Variants in ATP8B4 observed in about 807,000 individuals in gnomAD.
The protein encoded by ATP8B4 is probable phospholipid-transporting ATPase IM.
ATP8B4 carries 133 observed loss-of-function variants against 145.6 expected under a neutral mutation model. The ratio of observed to expected loss-of-function variants is 0.91; its 90% CI spans 0.79 to 1.05. The LOEUF (loss-of-function observed/expected upper bound fraction) is 1.05. Ranked by LOEUF, ATP8B4 falls within the 50% of genes least tolerant of loss-of-function variation. The pLI is 0.00. For synonymous variants in ATP8B4, 507 were observed against 492.9 expected (o/e 1.03, Z -0.38); for missense variants, 1,458 against 1,425.2 (o/e 1.02, Z -0.37).
chr15:50,062,344 A>G lies in ATP8B4; in HGVS notation c.87+11783T>C, dbSNP rs998161270. Among the ~76,000 whole-genome samples, 7 of 152,074 alleles carry G rather than the reference A, an allele frequency of 4.6e-5. No individual in the cohort carries two copies. The South Asian group carries it at 6.2e-4, about 13-fold the overall frequency. On this transcript the variant is annotated intron_variant, in intron 3 of 27. Transcript: ENST00000284509. ...TCACTCTCTTGCTCCTGCTTTCACCATGTGATGTGCCTGGTCCCCCTTCAC... is the reference window on the plus strand; with the variant it reads ...TCACTCTCTTGCTCCTGCTTTCACCGTGTGATGTGCCTGGTCCCCCTTCAC...
At chr15:49,915,150 TACCATTTTAAGCA>T (rs2039610158) in intron 20 of ATP8B4, among the ~76,000 whole-genome samples, 1 of 152,134 alleles carries the variant, frequency 6.6e-6, no homozygotes. Flanking sequence ...AATGAAATCC[TACCATTTTAAGCA>T]ACATGAATGG....
At chr15:49,958,333 A>AAAAT (rs1427998034) in intron 14 of ATP8B4, among the ~76,000 whole-genome samples, 2 of 151,680 alleles carry the variant, frequency 1.3e-5, no homozygotes, top group Non-Finnish European at 1.5e-5. Flanking sequence ...GGAAAGAATA[A>AAAAT]AAATAAATAA....
intron 14 of ATP8B4, among the ~76,000 whole-genome samples, chr15:49,954,074 C>CT (rs34828291): frequency 1.3e-5 from 2 of 151,936 alleles, no homozygotes; most frequent in African/African-American, 2.4e-5. Flanking sequence ...CTTATTATGG[C>CT]TTTTTTTATG....
chr15:50,080,002 C>G (rs2054439217), intron 2 of ATP8B4, among the ~76,000 whole-genome samples: 1 of 152,160 alleles, frequency 6.6e-6, no homozygotes, highest in Non-Finnish European at 1.5e-5. Flanking sequence ...GGAAGCCATC[C>G]TTTGTCATTC....
At chr15:49,924,333 G>T (rs1054068680) in intron 16 of ATP8B4, among the ~76,000 whole-genome samples, 1 of 152,150 alleles carries the variant, frequency 6.6e-6, no homozygotes, top group African/African-American at 2.4e-5. Flanking sequence ...ATGAATGAAT[G>T]ACATGGCTGG....
At chr15:49,950,298 T>C (rs781379318) in intron 14 of ATP8B4, among the ~76,000 whole-genome samples, 14 of 152,106 alleles carry the variant, frequency 9.2e-5, no homozygotes, top group Non-Finnish European at 1.5e-4. Context: ...CTGGGCTTTT[T>C]TTGGTTGGTA....
intron 14 of ATP8B4, among the ~76,000 whole-genome samples, chr15:49,938,696 C>G (rs923879119): frequency 2.0e-5 from 3 of 152,120 alleles, no homozygotes; most frequent in Non-Finnish European, 2.9e-5. Context: ...TTAGACAGAT[C>G]ATCAAGGCAG....
At chr15:49,897,934 C>T (rs948980330) in intron 22 of ATP8B4, 134 bp downstream of exon 22, 1 of 998,512 alleles carries the variant, frequency 1.0e-6, no homozygotes, top group African/African-American at 1.6e-5. Context: ...TAGCATTGGA[C>T]CCAGAAGTAT....
intron 25 of ATP8B4, among the ~76,000 whole-genome samples, chr15:49,869,274 T>A (rs1020035731): frequency 6.6e-6 from 1 of 151,600 alleles, no homozygotes; most frequent in Non-Finnish European, 1.5e-5. Flanking sequence ...AAAAAAAAAA[T>A]TGAAAAGCAG....
upstream of ATP8B4, chr15:50,119,433 G>A (rs2057239183): frequency 6.6e-6 from 1 of 152,352 alleles, no homozygotes. Context: ...GGAATTGAGG[G>A]AGAAAAGCAC....
At chr15:50,135,121 T>G (rs1323511204) in intron 1 of ATP8B4, among the ~76,000 whole-genome samples, 2 of 152,186 alleles carry the variant, frequency 1.3e-5, no homozygotes, top group Non-Finnish European at 2.9e-5. Flanking sequence ...ATTTAAATGG[T>G]TTTATGTCCC....
At chr15:50,176,417 T>A (rs1595672212) in intron 1 of ATP8B4, among the ~76,000 whole-genome samples, 1 of 152,070 alleles carries the variant, frequency 6.6e-6, no homozygotes, top group East Asian at 1.9e-4. Context: ...TGGTGCAGTG[T>A]ATACTGCTCA....
intron 2 of ATP8B4, among the ~76,000 whole-genome samples, chr15:50,086,690 TA>T (rs1383487747): frequency 9.5e-6 from 1 of 105,478 alleles, no homozygotes; most frequent in Non-Finnish European, 1.7e-5. Flanking sequence ...TATAATAAAA[TA>T]ATAGAGATCT....
At chr15:50,051,516 C>T (rs1292284333) in intron 3 of ATP8B4, among the ~76,000 whole-genome samples, 3 of 152,116 alleles carry the variant, frequency 2.0e-5, no homozygotes, top group Admixed American at 6.5e-5. Flanking sequence ...GTACTGAAAA[C>T]CGTTCTGAAA....
chr15:50,137,455 G>A (rs558084734), intron 1 of ATP8B4, among the ~76,000 whole-genome samples: 3 of 152,254 alleles, frequency 2.0e-5, no homozygotes, highest in East Asian at 1.9e-4. Context: ...ATCACTGTGC[G>A]TCATCATGAC....
chr15:49,905,903 G>A (rs912966389), intron 20 of ATP8B4, among the ~76,000 whole-genome samples: 1 of 152,016 alleles, frequency 6.6e-6, no homozygotes, highest in Admixed American at 6.6e-5. Context: ...TAGGCAAGGA[G>A]GTAAGGAGGT....
chr15:50,080,589 T>C (rs1341051386), intron 2 of ATP8B4, among the ~76,000 whole-genome samples: 1 of 151,878 alleles, frequency 6.6e-6, no homozygotes, highest in Non-Finnish European at 1.5e-5. Context: ...TAATACTATC[T>C]TGCTAGAATT....
At chr15:49,984,017 C>A (rs1399425209) in intron 10 of ATP8B4, among the ~76,000 whole-genome samples, 1 of 152,208 alleles carries the variant, frequency 6.6e-6, no homozygotes, top group African/African-American at 2.4e-5. Context: ...TAGCATAATG[C>A]CCAGCATATA....
chr15:50,121,257 AT>A (rs2057267354), upstream of ATP8B4, among the ~76,000 whole-genome samples: 1 of 152,176 alleles, frequency 6.6e-6, no homozygotes, highest in African/African-American at 2.4e-5. Flanking sequence ...CGAATGAATA[AT>A]GATAACAGCA....
Sources: gnomAD v4.1 joint callset for allele counts (sites outside exome capture counted in the v4.1 genomes callset) on GRCh38, gnomAD v4.1.1 for gene constraint, MANE v1.5 for transcripts, NCBI Gene and HGNC (gene_info 2026-07-23, HGNC 2026-07-21) for gene names.